PDE1A: variants seen among roughly 807,000 people sequenced by gnomAD.
The protein encoded by PDE1A is phosphodiesterase 1A.
Under a neutral mutation model 61.7 loss-of-function variants are expected in PDE1A, and 35 were observed. The ratio of observed to expected loss-of-function variants is 0.57; its 90% CI spans 0.43 to 0.75. PDE1A has a LOEUF of 0.75. Among genes scored for constraint, PDE1A ranks in the 30% least tolerant of loss-of-function variants. The pLI is 0.00. For synonymous variants in PDE1A, 232 were observed against 213.2 expected (o/e 1.09, Z -0.77); for missense variants, 597 against 630.6 (o/e 0.95, Z 0.57).
chr2:182,470,516 T>C (rs1686958501), intron 2 of PDE1A, among the ~76,000 whole-genome samples: 1 of 151,724 alleles, frequency 6.6e-6, no homozygotes, highest in Non-Finnish European at 1.5e-5. Flanking sequence ...AACTTATAGT[T>C]TAGTAAGAGA....
the PDE1A span, among the ~76,000 whole-genome samples, chr2:182,593,664 T>C: frequency 6.6e-6 from 1 of 152,206 alleles, no homozygotes; most frequent in Non-Finnish European, 1.5e-5. Context: ...ACTAATTTAC[T>C]TTTGCAGACC....
intron 1 of PDE1A, among the ~76,000 whole-genome samples, chr2:182,281,604 T>A (rs1013367675): frequency 6.6e-6 from 1 of 152,002 alleles, no homozygotes; most frequent in Admixed American, 6.6e-5. Flanking sequence ...GCATACTCTA[T>A]GTACACCATA....
chr2:182,274,633 G>A (rs1046505278), intron 1 of PDE1A, among the ~76,000 whole-genome samples: 2 of 152,088 alleles, frequency 1.3e-5, no homozygotes, highest in Non-Finnish European at 2.9e-5. Flanking sequence ...TATTGTGAAG[G>A]TTGTTATATG....
intron 2 of PDE1A, among the ~76,000 whole-genome samples, chr2:182,456,642 T>A (rs1685939825): frequency 2.0e-5 from 3 of 152,022 alleles, no homozygotes; most frequent in Non-Finnish European, 2.9e-5. Flanking sequence ...AGTGAAAGAT[T>A]CTTGACAAAA....
chr2:182,508,864 G>A (rs1171103239), intron 2 of PDE1A, among the ~76,000 whole-genome samples: 1 of 145,478 alleles, frequency 6.9e-6, no homozygotes, highest in Non-Finnish European at 1.5e-5. Flanking sequence ...CATTGTGCAG[G>A]TTAGTTACAT....
At chr2:182,438,090 C>T (rs1223906170) in intron 2 of PDE1A, among the ~76,000 whole-genome samples, 1 of 151,842 alleles carries the variant, frequency 6.6e-6, no homozygotes, top group African/African-American at 2.4e-5. Context: ...CCTTCCTAGC[C>T]ATTACAGAAC....
At chr2:182,483,235 T>C (rs1032406775) in intron 2 of PDE1A, among the ~76,000 whole-genome samples, 2 of 151,926 alleles carry the variant, frequency 1.3e-5, no homozygotes, top group Non-Finnish European at 2.9e-5. Flanking sequence ...ATTATAGTTG[T>C]ATATTTTAAT....
At chr2:182,657,409 G>T in the PDE1A span, among the ~76,000 whole-genome samples, 2 of 152,094 alleles carry the variant, frequency 1.3e-5, no homozygotes, top group Non-Finnish European at 2.9e-5. Flanking sequence ...CAGTGAAGAT[G>T]ATGTCAGCCC....
intron 2 of PDE1A, chr2:182,522,235 A>C: frequency 6.5e-7 from 1 of 1,541,040 alleles, no homozygotes; most frequent in Non-Finnish European, 9.0e-7. Context: ...GTTAATAGTC[A>C]AATCTTTTGG....
At chr2:182,666,079 G>C in the PDE1A span, among the ~76,000 whole-genome samples, 1 of 152,096 alleles carries the variant, frequency 6.6e-6, no homozygotes. Flanking sequence ...GGGAGGGAGA[G>C]CATCAGGATA....
At chr2:182,407,242 G>T (rs1040221036) in intron 1 of PDE1A, among the ~76,000 whole-genome samples, 6 of 152,086 alleles carry the variant, frequency 3.9e-5, no homozygotes, top group Admixed American at 3.9e-4. Context: ...AGAAAAAAAT[G>T]CTACTAAAAA....
In PDE1A at chr2:182,318,595, G is replaced by A. The variant is rs1052460916; in HGVS notation, c.54-54181C>T. The stretch of plus-strand genomic sequence containing the variant: ...AGCATGCTGGTTTCACACTCTCCCT[G>A]GAGCTCTTCATCTTGAGGCCCATAT... On this transcript the variant is annotated intron_variant, in intron 1 of 13. Transcript: ENST00000351439. Among the ~76,000 whole-genome samples, 65 of 152,042 alleles carry A rather than the reference G, an allele frequency of 4.3e-4. 1 individual carries two copies. The highest frequency in any genetic ancestry group is 1.4e-3 in the African/African-American group (60 of 41,392).
upstream of PDE1A, among the ~76,000 whole-genome samples, chr2:182,524,001 G>T (rs1177561873): frequency 1.3e-5 from 2 of 152,082 alleles, no homozygotes; most frequent in African/African-American, 2.4e-5. Flanking sequence ...TCCTTTCTCA[G>T]ACAAGATATT....
At chr2:182,675,243 T>C in the PDE1A span, among the ~76,000 whole-genome samples, 7 of 152,168 alleles carry the variant, frequency 4.6e-5, no homozygotes. Context: ...TTGCTAATAA[T>C]AATGGCCTCC....
At chr2:182,565,874 C>T in the PDE1A span, among the ~76,000 whole-genome samples, 3 of 152,040 alleles carry the variant, frequency 2.0e-5, no homozygotes, top group African/African-American at 2.4e-5. Context: ...ATCCACTCTT[C>T]GTAGAAATTA....
chr2:182,534,703 T>G, the PDE1A span, among the ~76,000 whole-genome samples: 17 of 151,920 alleles, frequency 1.1e-4, no homozygotes, highest in African/African-American at 3.8e-4. Flanking sequence ...ATTTTTGGCC[T>G]ATCATGTATG....
At chr2:182,377,510 G>A (rs527654839) in intron 1 of PDE1A, among the ~76,000 whole-genome samples, 2 of 152,202 alleles carry the variant, frequency 1.3e-5, no homozygotes, top group Non-Finnish European at 2.9e-5. Context: ...AGTGATGCAA[G>A]AACAGATTAA....
intron 2 of PDE1A, among the ~76,000 whole-genome samples, chr2:182,506,884 AGTTTCCCTGCTTT>A (rs1689445869): frequency 6.6e-6 from 1 of 152,210 alleles, no homozygotes; most frequent in Admixed American, 6.5e-5. Flanking sequence ...GCAACTATGC[AGTTTCCCTGCTTT>A]ACTCTATACT....
chr2:182,656,325 C>A, the PDE1A span, among the ~76,000 whole-genome samples: 1 of 152,162 alleles, frequency 6.6e-6, no homozygotes, highest in Non-Finnish European at 1.5e-5. Context: ...TCATTACAAT[C>A]AAAACCTCTA....
Sources: allele counts gnomAD v4.1 joint callset (sites outside exome capture counted in the v4.1 genomes callset), GRCh38; gene constraint gnomAD v4.1.1; transcripts MANE v1.5; gene names NCBI Gene and HGNC (gene_info 2026-07-23, HGNC 2026-07-21).